The following PLCB1 variants were observed in gnomAD, a reference collection of about 807,000 sequenced individuals.
The protein encoded by PLCB1 is 1-phosphatidylinositol 4,5-bisphosphate phosphodiesterase beta-1.
Under a neutral mutation model 161.8 loss-of-function variants are expected in PLCB1, and 46 were observed. That is an observed-to-expected ratio of 0.28 (90% CI 0.22 to 0.36). PLCB1 has a LOEUF of 0.36. Among genes scored for constraint, PLCB1 ranks in the 10% least tolerant of loss-of-function variants. The pLI, the probability that PLCB1 is intolerant of heterozygous loss-of-function variation, is 1.00. For synonymous variants in PLCB1, 517 were observed against 503.7 expected (o/e 1.03, Z -0.35); for missense variants, 1,016 against 1,472.5 (o/e 0.69, Z 5.07).
rs559427513 is a variant in PLCB1, at chr20:8,579,047, G to C, written c.247-49247G>C. ...ACTTCTTTTTCTTTAAGTTATACTTGCTGCTATTTACTTCGCCAGAAGACT... is the reference window on the plus strand; with the variant it reads ...ACTTCTTTTTCTTTAAGTTATACTTCCTGCTATTTACTTCGCCAGAAGACT... On this transcript the variant is annotated intron_variant, in intron 3 of 31. Coordinates refer to ENST00000338037, the MANE Select transcript of PLCB1 (RefSeq NM_015192.4). Among the ~76,000 whole-genome samples, 49 of 152,222 alleles carry C rather than the reference G, an allele frequency of 3.2e-4. No homozygotes were observed. The South Asian group carries it at 8.1e-3, about 25-fold the overall frequency.
At chr20:8,716,377 G>T (rs769167535) in intron 13 of PLCB1, 29 bp downstream of exon 13, 1 of 1,470,162 alleles carries the variant, frequency 6.8e-7, no homozygotes, top group South Asian at 1.1e-5. Flanking sequence ...TGTCCTTGAA[G>T]GAATGTATGC....
chr20:8,635,942 T>A (rs1988750187), intron 4 of PLCB1, among the ~76,000 whole-genome samples: 1 of 152,220 alleles, frequency 6.6e-6, no homozygotes, highest in South Asian at 2.1e-4. Flanking sequence ...TGGGAACATA[T>A]GCATTGAGGT....
intron 10 of PLCB1, among the ~76,000 whole-genome samples, chr20:8,687,447 C>T (rs62195832): frequency 0.12 from 18,275 of 152,126 alleles, 1,345 homozygotes; most frequent in East Asian, 0.32. Context: ...CACCCATCAC[C>T]CGAGCAGTAT....
chr20:8,288,639 C>T (rs1212950681), intron 2 of PLCB1, among the ~76,000 whole-genome samples: 1 of 152,078 alleles, frequency 6.6e-6, no homozygotes, highest in Non-Finnish European at 1.5e-5. Flanking sequence ...CAGGGTGGTA[C>T]TCCTCAGCCA....
At chr20:8,863,784 TTTC>T (rs1987334133) in intron 31 of PLCB1, among the ~76,000 whole-genome samples, 1 of 152,346 alleles carries the variant, frequency 6.6e-6, no homozygotes, top group East Asian at 1.9e-4. Context: ...AAGGAAGTTT[TTTC>T]TACCTCTGAA....
intron 3 of PLCB1, among the ~76,000 whole-genome samples, chr20:8,587,282 T>C (rs1987020715): frequency 6.6e-6 from 1 of 152,112 alleles, no homozygotes; most frequent in African/African-American, 2.4e-5. Context: ...CTAAATGAGT[T>C]GGGTTATTAT....
intron 2 of PLCB1, among the ~76,000 whole-genome samples, chr20:8,365,471 A>G (rs1986678861): frequency 6.6e-6 from 1 of 152,186 alleles, no homozygotes; most frequent in African/African-American, 2.4e-5. Context: ...TGCCTAGGAA[A>G]CAAAGGAAAA....
At chr20:8,149,218 C>T (rs1003059947) in intron 1 of PLCB1, among the ~76,000 whole-genome samples, 2 of 152,088 alleles carry the variant, frequency 1.3e-5, no homozygotes, top group Non-Finnish European at 2.9e-5. Context: ...CCCAAATTAT[C>T]CTAGCTATTT....
chr20:8,815,778 A>C (rs1252985667), intron 31 of PLCB1, among the ~76,000 whole-genome samples: 2 of 152,272 alleles, frequency 1.3e-5, no homozygotes, highest in Non-Finnish European at 1.5e-5. Context: ...AAAACAATTG[A>C]AAACATAGAG....
chr20:8,144,230 C>T (rs543045647), intron 1 of PLCB1, among the ~76,000 whole-genome samples: 1 of 152,268 alleles, frequency 6.6e-6, no homozygotes, highest in African/African-American at 2.4e-5. Context: ...GCATACCCAC[C>T]AGAGCTATAT....
chr20:8,226,813 G>A (rs1047052116), intron 2 of PLCB1, among the ~76,000 whole-genome samples: 3 of 151,076 alleles, frequency 2.0e-5, no homozygotes, highest in African/African-American at 7.3e-5. Context: ...TCAGCCTCCC[G>A]AGTAGCTGAG....
intron 2 of PLCB1, among the ~76,000 whole-genome samples, chr20:8,202,053 A>G (rs2052097115): frequency 6.6e-6 from 1 of 152,074 alleles, no homozygotes; most frequent in Admixed American, 6.6e-5. Flanking sequence ...TAGTTATTTT[A>G]TAATGTTGTT....
chr20:8,716,345 T>C lies in PLCB1; in HGVS notation c.1332T>C (p.Tyr444=). The C allele has an allele frequency of 6.2e-7, 1 of 1,610,512 alleles. No individual in the cohort carries two copies. Among genetic ancestry groups the C allele is most frequent in the Non-Finnish European group, 8.5e-7 (1 of 1,176,734 alleles). ...TTCTCATGGAGCCCCTGGAAAAATA[T>C]CCAGTAAGCAGTTCTGATGTTTGTC... ...DALLMEPLEK[Y]PLESGVPLPS... The change falls in exon 13 of 32, where the codon TAT becomes TAC. Residue 444 remains tyrosine, a synonymous_variant. Coordinates refer to ENST00000338037, the MANE Select transcript of PLCB1 (RefSeq NM_015192.4).
intron 31 of PLCB1, among the ~76,000 whole-genome samples, chr20:8,839,205 C>G (rs1430509968): frequency 6.6e-6 from 1 of 152,164 alleles, no homozygotes; most frequent in East Asian, 1.9e-4. Flanking sequence ...AGTGAAATTC[C>G]TAGGAGTCCA....
chr20:8,687,430 C>G (rs1230471689), intron 10 of PLCB1, among the ~76,000 whole-genome samples: 2 of 152,098 alleles, frequency 1.3e-5, no homozygotes, highest in African/African-American at 4.8e-5. Flanking sequence ...AAGATGAGAT[C>G]CTGGTGCACC....
intron 2 of PLCB1, among the ~76,000 whole-genome samples, chr20:8,274,420 C>T (rs542601319): frequency 1.3e-5 from 2 of 151,760 alleles, no homozygotes; most frequent in South Asian, 2.1e-4. Context: ...AGCATGAGAA[C>T]GTTTGTCCCC....
chr20:8,864,701 C>T lies in PLCB1; in HGVS notation c.3424-16921C>T, dbSNP rs944084140. 9.2e-5 allele frequency among the ~76,000 whole-genome samples: 14 copies of T among 152,186 alleles called. 1 individual carries two copies. The highest frequency in any genetic ancestry group is 9.2e-4 in the Admixed American group (14 of 15,270). On this transcript the variant is annotated intron_variant, in intron 31 of 31. Transcript: ENST00000338037. ...CATGATTTGGAATTAGGATGGCTCT[C>T]TGGCTGACATGTCAACCAAGAACTA...
intron 2 of PLCB1, among the ~76,000 whole-genome samples, chr20:8,177,157 G>A (rs1280537154): frequency 6.6e-6 from 1 of 152,120 alleles, no homozygotes; most frequent in Non-Finnish European, 1.5e-5. Context: ...CACAGTGATA[G>A]TATTAAAAGG....
intron 3 of PLCB1, among the ~76,000 whole-genome samples, chr20:8,618,982 C>G (rs1410969739): frequency 6.6e-6 from 1 of 152,082 alleles, no homozygotes; most frequent in Non-Finnish European, 1.5e-5. Flanking sequence ...ATAGTATTTA[C>G]TCTTAGAATA....
Sources: gnomAD v4.1 joint callset for allele counts (sites outside exome capture counted in the v4.1 genomes callset) on GRCh38, gnomAD v4.1.1 for gene constraint, MANE v1.5 for transcripts, NCBI Gene and HGNC (gene_info 2026-07-23, HGNC 2026-07-21) for gene names.